Variants in PLB1 observed in about 807,000 individuals in gnomAD.
PLB1 encodes the protein phospholipase B1, membrane-associated.
Under a neutral mutation model 227.4 loss-of-function variants are expected in PLB1, and 242 were observed. The observed-to-expected ratio is 1.06, with a 90% confidence interval of 0.96 to 1.18. The LOEUF (loss-of-function observed/expected upper bound fraction) is 1.18. PLB1 is among the 50% of genes most tolerant of loss of function. The pLI is 0.00. For missense variants in PLB1, 1,858 were observed against 1,816.3 expected, an observed-to-expected ratio of 1.02 and a Z score of -0.42; for synonymous variants, 757 against 682.2, an observed-to-expected ratio of 1.11 and a Z score of -1.71.
intron 9 of PLB1, among the ~76,000 whole-genome samples, chr2:28,535,224 A>G (rs780074862): frequency 6.6e-6 from 1 of 152,258 alleles, no homozygotes; most frequent in Non-Finnish European, 1.5e-5. Context: ...TAAACCAATA[A>G]CATGATGTCC....
chr2:28,638,893 T>C (rs1689674508), intron 56 of PLB1, among the ~76,000 whole-genome samples: 1 of 148,246 alleles, frequency 6.7e-6, no homozygotes, highest in Non-Finnish European at 1.5e-5. Context: ...TGAAACCCTG[T>C]CTCTACTGAA....
intron 17 of PLB1, among the ~76,000 whole-genome samples, chr2:28,555,489 T>C (rs561592098): frequency 1.3e-5 from 2 of 152,344 alleles, no homozygotes; most frequent in South Asian, 2.1e-4. Context: ...TTGTGACTGA[T>C]GGGGTAGGTA....
intron 56 of PLB1, among the ~76,000 whole-genome samples, chr2:28,637,393 G>A (rs534759871): frequency 1.3e-4 from 20 of 152,026 alleles, no homozygotes; most frequent in African/African-American, 3.9e-4. Context: ...TCTGGAGTGC[G>A]AGCTGGATTC....
rs1006444291 is a variant in PLB1, at chr2:28,597,301, T to A, written c.2322-704T>A. ...AAAAAAAATCCATTGACCTGGAATA[T>A]AACATGCTGGGATTCGAAAAAGAGA... On this transcript the variant is annotated intron_variant, in intron 33 of 57. Coordinates refer to ENST00000327757, the MANE Select transcript of PLB1 (RefSeq NM_153021.5). Among the ~76,000 whole-genome samples, 86 of 146,978 alleles carry A rather than the reference T, an allele frequency of 5.9e-4. 1 individual carries two copies. Among genetic ancestry groups the A allele is most frequent in the African/African-American group, 2.1e-3 (84 of 39,824 alleles).
chr2:28,582,598 G>C, intron 25 of PLB1, 93 bp downstream of exon 25: 2 of 991,852 alleles, frequency 2.0e-6, no homozygotes, highest in Non-Finnish European at 3.1e-6. Context: ...CCCAAGGGCC[G>C]AAGTGTGAAA....
intron 47 of PLB1, 83 bp from the exon 48 acceptor site, chr2:28,620,517 G>A: frequency 6.6e-7 from 1 of 1,505,598 alleles, no homozygotes; most frequent in Non-Finnish European, 9.0e-7. Flanking sequence ...CCAGAACCCG[G>A]TTCCGGTTCT....
rs552437079 is a variant in PLB1, at chr2:28,623,012, G to A, written c.3527+2034G>A. Among the ~76,000 whole-genome samples, 17 of 151,746 alleles carry A rather than the reference G, an allele frequency of 1.1e-4. No individual in the cohort carries two copies. In the South Asian group the frequency reaches 1.2e-3, roughly 11 times the overall value. ...AAATGGGAAATAACTTTCTGAAAAAGACAATGCTGGGTATGGCAACAATGC... is the reference window on the plus strand; with the variant it reads ...AAATGGGAAATAACTTTCTGAAAAAAACAATGCTGGGTATGGCAACAATGC... On this transcript the variant is annotated intron_variant, in intron 49 of 57. Transcript: ENST00000327757.
At chr2:28,587,679 C>T (rs1018002611) in intron 26 of PLB1, among the ~76,000 whole-genome samples, 1 of 152,126 alleles carries the variant, frequency 6.6e-6, no homozygotes, top group Non-Finnish European at 1.5e-5. Flanking sequence ...ACTGTCACTG[C>T]TGCTTCTAGG....
chr2:28,574,549 ATTTTTT>A (rs55675067), intron 21 of PLB1, among the ~76,000 whole-genome samples: 1 of 130,160 alleles, frequency 7.7e-6, no homozygotes, highest in Non-Finnish European at 1.6e-5. Flanking sequence ...TTCCCGGCTA[ATTTTTT>A]TTTTTTTTTT....
At chr2:28,597,947 G>A in intron 33 of PLB1, 58 bp from the exon 34 acceptor site, 2 of 1,526,282 alleles carry the variant, frequency 1.3e-6, no homozygotes, top group Non-Finnish European at 1.8e-6. Flanking sequence ...AAAGTTCCTA[G>A]ATTGATTCAA....
intron 1 of PLB1, among the ~76,000 whole-genome samples, chr2:28,512,970 T>A (rs1668451362): frequency 6.6e-6 from 1 of 152,224 alleles, no homozygotes; most frequent in Non-Finnish European, 1.5e-5. Flanking sequence ...CAGTACTTCT[T>A]ATTTCCTAGA....
chr2:28,515,223 C>T (rs1232252340), intron 1 of PLB1, among the ~76,000 whole-genome samples: 1 of 152,178 alleles, frequency 6.6e-6, no homozygotes, highest in African/African-American at 2.4e-5. Context: ...CTCTATTCCA[C>T]TCCCCCTGGA....
chr2:28,601,454 GCACATATACACATACCACA>G, intron 37 of PLB1, 122 bp downstream of exon 37: 1 of 708,494 alleles, frequency 1.4e-6, no homozygotes, highest in South Asian at 1.6e-5. Context: ...ACCTATGTCT[GCACATATACACATACCACA>G]CACACACACA....
chr2:28,625,132 C>A, intron 50 of PLB1, 24 bp downstream of exon 50: 1 of 1,605,380 alleles, frequency 6.2e-7, no homozygotes, highest in Non-Finnish European at 8.5e-7. Context: ...CCCAGGCCAC[C>A]CCTGAAAGGT....
intron 9 of PLB1, among the ~76,000 whole-genome samples, chr2:28,535,457 C>A (rs1357843302): frequency 2.0e-5 from 3 of 152,264 alleles, no homozygotes; most frequent in African/African-American, 7.2e-5. Context: ...GCCCTTCTCA[C>A]AGCCCAGACC....
chr2:28,520,918 T>C (rs1476734634), intron 4 of PLB1, among the ~76,000 whole-genome samples: 1 of 152,148 alleles, frequency 6.6e-6, no homozygotes. Context: ...GAAGTTGCAG[T>C]GAGCTGAGAT....
intron 23 of PLB1, 49 bp from the exon 24 acceptor site, chr2:28,582,019 A>C: frequency 2.3e-5 from 35 of 1,527,864 alleles, no homozygotes; most frequent in Non-Finnish European, 3.1e-5. Context: ...TGTTCTGTAG[A>C]GAGATTAGGT....
At chr2:28,551,999 A>G (rs1380696054) in intron 16 of PLB1, among the ~76,000 whole-genome samples, 1 of 152,208 alleles carries the variant, frequency 6.6e-6, no homozygotes, top group Non-Finnish European at 1.5e-5. Flanking sequence ...GGATGGATGG[A>G]TACCAGGTAT....
chr2:28,566,681 G>A, intron 19 of PLB1, 115 bp from the exon 20 acceptor site: 1 of 1,170,750 alleles, frequency 8.5e-7, no homozygotes, highest in Non-Finnish European at 1.3e-6. Flanking sequence ...GAAAGTGCAA[G>A]CTCCAGGCCC....
Sources: allele counts gnomAD v4.1 joint callset (sites outside exome capture counted in the v4.1 genomes callset), GRCh38; gene constraint gnomAD v4.1.1; transcripts MANE v1.5; gene names NCBI Gene and HGNC (gene_info 2026-07-23, HGNC 2026-07-21).